The following DRC8 variants were observed in gnomAD, a reference collection of about 807,000 sequenced individuals.
DRC8 encodes dynein regulatory complex protein 8.
chr1:244,985,919 A>T, the DRC8 span, among the ~76,000 whole-genome samples: 1 of 151,532 alleles, frequency 6.6e-6, no homozygotes, highest in Non-Finnish European at 1.5e-5. Context: ...TCAGGGTTCC[A>T]CAAAAGGGAC....
At chr1:245,045,588 A>C in the DRC8 span, among the ~76,000 whole-genome samples, 2 of 152,186 alleles carry the variant, frequency 1.3e-5, no homozygotes, top group African/African-American at 4.8e-5. Flanking sequence ...GCCCACAGTC[A>C]GTCTGAATGG....
At chr1:245,104,531 G>T in the DRC8 span, among the ~76,000 whole-genome samples, 1 of 150,466 alleles carries the variant, frequency 6.6e-6, no homozygotes, top group African/African-American at 2.4e-5. Flanking sequence ...AAAGAAAAAA[G>T]AATAGGCTAA....
At chr1:245,111,201 G>A in the DRC8 span, among the ~76,000 whole-genome samples, 1 of 152,090 alleles carries the variant, frequency 6.6e-6, no homozygotes, top group East Asian at 1.9e-4. Flanking sequence ...AAGGCAGCAG[G>A]GAGTCAGACC....
chr1:244,998,194 A>G, the DRC8 span, among the ~76,000 whole-genome samples: 3 of 151,740 alleles, frequency 2.0e-5, no homozygotes, highest in East Asian at 3.9e-4. Context: ...GCTCCCTTAC[A>G]TATATATTTA....
the DRC8 span, among the ~76,000 whole-genome samples, chr1:245,105,814 C>T: frequency 1.4e-4 from 21 of 152,270 alleles, 1 homozygote; most frequent in African/African-American, 4.3e-4. Flanking sequence ...CTGTGGCTCA[C>T]GCCCATAATC....
At chr1:245,094,244 C>T in the DRC8 span, among the ~76,000 whole-genome samples, 4 of 152,276 alleles carry the variant, frequency 2.6e-5, no homozygotes, top group Non-Finnish European at 5.9e-5. Context: ...ATGAAGAGCT[C>T]ATCCTGGTGG....
the DRC8 span, among the ~76,000 whole-genome samples, chr1:245,033,671 T>C: frequency 2.0e-5 from 3 of 152,158 alleles, no homozygotes; most frequent in Non-Finnish European, 4.4e-5. Flanking sequence ...TTATTTTTCA[T>C]ATGATTGTCT....
At chr1:245,022,227 C>A in the DRC8 span, among the ~76,000 whole-genome samples, 1 of 151,620 alleles carries the variant, frequency 6.6e-6, no homozygotes, top group Non-Finnish European at 1.5e-5. Context: ...CTCACTGCAA[C>A]CTCCACCTCC....
chr1:244,988,182 A>T, the DRC8 span, among the ~76,000 whole-genome samples: 1 of 152,116 alleles, frequency 6.6e-6, no homozygotes. Flanking sequence ...GAACTATTTA[A>T]TTTATTATTT....
the DRC8 span, among the ~76,000 whole-genome samples, chr1:245,084,213 C>T: frequency 1.3e-5 from 2 of 151,946 alleles, no homozygotes; most frequent in African/African-American, 4.8e-5. Context: ...TCCCGAGTAG[C>T]TGGGATTACA....
At chr1:245,049,030 G>T in the DRC8 span, among the ~76,000 whole-genome samples, 1 of 149,396 alleles carries the variant, frequency 6.7e-6, no homozygotes, top group African/African-American at 2.5e-5. The surrounding 1 kb of genome is among the most constrained non-coding windows in gnomAD (Gnocchi z 4.5). Context: ...CCATCACCCA[G>T]ATGGGAGTGC....
the DRC8 span, among the ~76,000 whole-genome samples, chr1:245,043,519 T>C: frequency 4.6e-5 from 7 of 152,234 alleles, no homozygotes; most frequent in Non-Finnish European, 8.8e-5. Flanking sequence ...TGATTTTCAC[T>C]TTCTTTCAAA....
At chr1:244,994,653 C>T in the DRC8 span, among the ~76,000 whole-genome samples, 26 of 152,260 alleles carry the variant, frequency 1.7e-4, no homozygotes, top group African/African-American at 5.8e-4. Flanking sequence ...TGGTCTCAAA[C>T]TCCTGACCTC....
chr1:245,086,338 T>A, the DRC8 span, among the ~76,000 whole-genome samples: 8 of 152,320 alleles, frequency 5.3e-5, no homozygotes, highest in African/African-American at 1.9e-4. Flanking sequence ...ACTAGTTTGG[T>A]AAAATAGGAG....
At chr1:245,120,360 C>T in the DRC8 span, among the ~76,000 whole-genome samples, 2 of 152,164 alleles carry the variant, frequency 1.3e-5, no homozygotes, top group African/African-American at 2.4e-5. Flanking sequence ...CCCACCTCAT[C>T]GATCTCAATG....
the DRC8 span, among the ~76,000 whole-genome samples, chr1:245,033,935 G>A: frequency 2.0e-5 from 3 of 151,738 alleles, no homozygotes; most frequent in African/African-American, 4.8e-5. Flanking sequence ...TGGCCAGGCC[G>A]GTCTTGAATT....
At chr1:245,078,312 A>G in the DRC8 span, among the ~76,000 whole-genome samples, 1 of 152,214 alleles carries the variant, frequency 6.6e-6, no homozygotes, top group African/African-American at 2.4e-5. Context: ...ATATCATCCA[A>G]CAATCCCACT....
the DRC8 span, among the ~76,000 whole-genome samples, chr1:244,999,154 G>T: frequency 1.7e-4 from 26 of 149,724 alleles, no homozygotes; most frequent in African/African-American, 5.9e-4. Context: ...GGAGGAGGCA[G>T]CAATATTGAC....
the DRC8 span, among the ~76,000 whole-genome samples, chr1:245,097,219 A>G: frequency 6.6e-6 from 1 of 152,294 alleles, no homozygotes; most frequent in South Asian, 2.1e-4. The surrounding 1 kb of genome is among the most constrained non-coding windows in gnomAD (Gnocchi z 5.0). Context: ...ATTCTATGCT[A>G]GAAACAATTC....
Sources: gnomAD v4.1 joint callset for allele counts (sites outside exome capture counted in the v4.1 genomes callset) on GRCh38, gnomAD v4.1.1 for gene constraint, Gnocchi (gnomAD v3.1) non-coding constraint, MANE v1.5 for transcripts, NCBI Gene and HGNC (gene_info 2026-07-23, HGNC 2026-07-21) for gene names.